CCNYL1: variants seen among roughly 807,000 people sequenced by gnomAD.
CCNYL1 encodes the protein cyclin Y like 1.
In CCNYL1, 16 loss-of-function variants were observed where a neutral mutation model predicts 44.2. That is an observed-to-expected ratio of 0.36 (90% confidence interval 0.25 to 0.55). CCNYL1 has a LOEUF of 0.55. Ranked by LOEUF, CCNYL1 falls within the 20% of genes least tolerant of loss-of-function variation. The pLI, the probability that CCNYL1 is intolerant of heterozygous loss-of-function variation, is 0.85. For missense variants in CCNYL1, 348 were observed against 451.8 expected (o/e 0.77, Z 2.08); for synonymous variants, 159 against 163.2 (o/e 0.97, Z 0.20).
At position 207,742,308 on chromosome 2, in the gene CCNYL1, C is replaced by T; in HGVS notation, c.605C>T (p.Ala202Val). 6.2e-7 allele frequency: 1 copy of T among 1,613,412 alleles called. No individual in the cohort carries two copies. Among genetic ancestry groups the T allele is most frequent in the Non-Finnish European group, 8.5e-7 (1 of 1,179,738 alleles). Residue 202 changes from alanine (A) to valine (V), a missense_variant, in exon 7 of 10, where the codon GCA becomes GTA. Around this residue, in one of 3 missense-constraint regions of CCNYL1, gnomAD observed 45 missense variants for 101.7 expected, o/e 0.44. Transcript: ENST00000295414. Reference sequence around the variant, plus strand: ...TTTGTTCGTACTCTTTTTAGTGCTGCACAGCTAACAGCTGAATGTGCAATA... The same window carrying T: ...TTTGTTCGTACTCTTTTTAGTGCTGTACAGCTAACAGCTGAATGTGCAATA... Reference protein sequence around the residue: ...YRFVRTLFSAAQLTAECAIVT... With the variant: ...YRFVRTLFSAVQLTAECAIVT...
Position 207,753,724 on chromosome 2 carries a change from C to A in CCNYL1, c.*26C>A, listed in dbSNP as rs376566029. On this transcript the variant is annotated 3_prime_UTR_variant, in exon 10 of 10. Transcript: ENST00000295414. Reference sequence around the variant, plus strand: ...AAGGAGAAATGAGGGGTTATAACGTCATGGGACCTTCATCTACAAAGACTG... The same window carrying A: ...AAGGAGAAATGAGGGGTTATAACGTAATGGGACCTTCATCTACAAAGACTG... The A allele has an allele frequency of 1.4e-6, 2 of 1,395,156 alleles. No individual in the cohort carries two copies. The highest frequency in any genetic ancestry group is 1.0e-6 in the Non-Finnish European group (1 of 988,990). 86.4% of individuals were successfully genotyped at this position (1,395,156 alleles called of 1,614,324 possible).
chr2:207,721,141 G>A (rs1290034298), intron 1 of CCNYL1, among the ~76,000 whole-genome samples: 1 of 152,170 alleles, frequency 6.6e-6, no homozygotes, highest in African/African-American at 2.4e-5. Context: ...ACAGTGTGCA[G>A]TATGGTAGAG....
chr2:207,714,312 CTTTTTTT>C (rs60004559), intron 1 of CCNYL1: 138 of 309,878 alleles, frequency 4.5e-4, no homozygotes, highest in Middle Eastern at 1.1e-3. Flanking sequence ...ACTTACATCT[CTTTTTTT>C]TTTTTTTTTT....
intron 8 of CCNYL1, among the ~76,000 whole-genome samples, chr2:207,748,930 C>T (rs1442708756): frequency 1.3e-5 from 2 of 152,210 alleles, no homozygotes; most frequent in South Asian, 2.1e-4. Context: ...ACTTTGATCA[C>T]TGCTGTCATC....
In CCNYL1 at chr2:207,726,860, G is replaced by A. The variant is rs758694843; in HGVS notation, c.314G>A (p.Ser105Asn). 4.5e-6 allele frequency: 7 copies of A among 1,563,082 alleles called. No individual in the cohort carries two copies. Among genetic ancestry groups the A allele is most frequent in the East Asian group, 2.4e-5 (1 of 41,502 alleles). Reference protein sequence around the residue: ...SQTDVREKRKSNHLNHVSPGQ... With the variant: ...SQTDVREKRKNNHLNHVSPGQ... The stretch of plus-strand genomic sequence containing the variant: ...TTCTTAGTGCGAGAAAAGAGGAAGA[G>A]CAACCATTTGAACCATGTAAGTAAA... Residue 105 changes from serine to asparagine, a missense_variant, in exon 3 of 10, where the codon AGC (serine) becomes AAC (asparagine). Around this residue, in one of 3 missense-constraint regions of CCNYL1, gnomAD observed 209 missense variants for 247.7 expected, o/e 0.84. Transcript: ENST00000295414.
intron 6 of CCNYL1, among the ~76,000 whole-genome samples, chr2:207,741,304 A>AGT (rs1310393716): frequency 2.0e-5 from 3 of 152,176 alleles, no homozygotes; most frequent in Non-Finnish European, 1.5e-5. Flanking sequence ...ACATATGATT[A>AGT]GTAAGACTTT....
intron 1 of CCNYL1, among the ~76,000 whole-genome samples, chr2:207,717,976 C>G (rs2091609972): frequency 6.8e-6 from 1 of 148,050 alleles, no homozygotes; most frequent in Admixed American, 6.8e-5. Context: ...TCAATCTTGG[C>G]TCACTGCAAC....
At chr2:207,748,303 G>A (rs1015241569) in intron 8 of CCNYL1, among the ~76,000 whole-genome samples, 3 of 152,146 alleles carry the variant, frequency 2.0e-5, no homozygotes, top group Admixed American at 1.3e-4. Flanking sequence ...AGGCTCCCTG[G>A]GCACTCGGAC....
Position 207,747,122 on chromosome 2 carries a change from G to A in CCNYL1, c.715G>A (p.Ala239Thr), listed in dbSNP as rs1251036555. 6.2e-7 allele frequency: 1 copy of A among 1,614,028 alleles called. No individual in the cohort carries two copies. The highest frequency in any genetic ancestry group is 8.5e-7 in the Non-Finnish European group (1 of 1,180,014). The change falls in exon 8 of 10, where the codon GCC becomes ACC. Residue 239 changes from alanine to threonine, a missense_variant. Around this residue, in one of 3 missense-constraint regions of CCNYL1, gnomAD observed 45 missense variants for 101.7 expected, o/e 0.44. Coordinates refer to ENST00000295414, the MANE Select transcript of CCNYL1 (RefSeq NM_001330218.2). Reference protein sequence around the residue: ...PTNWKRIVLGAILLASKVWDD... With the variant: ...PTNWKRIVLGTILLASKVWDD... ...CAACTGGAAAAGGATTGTTCTGGGA[G>A]CCATTCTTCTTGCCTCCAAGGTTTG...
Position 207,751,202 on chromosome 2 carries a change from TA to T in CCNYL1, c.969+84del, listed in dbSNP as rs1212818873. 7 of 1,250,108 alleles carry T rather than the reference TA, an allele frequency of 5.6e-6. No homozygotes were observed. The African/African-American group carries it at 1.1e-4, about 19-fold the overall frequency. The allele number at this position is 1,250,108 out of a possible 1,614,324, so 77.4% of individuals were successfully genotyped here. The stretch of plus-strand genomic sequence containing the variant: ...TGACTAAATCATATTAAGTAGTGAT[TA>T]GGAAAATGGAAAGCTTTAAAATTAA... On this transcript the variant is annotated intron_variant, in intron 9 of 9. Coordinates refer to ENST00000295414, the MANE Select transcript of CCNYL1 (RefSeq NM_001330218.2).
At chr2:207,712,843 G>T (rs1017566678) in intron 1 of CCNYL1, among the ~76,000 whole-genome samples, 1 of 152,170 alleles carries the variant, frequency 6.6e-6, no homozygotes, top group Non-Finnish European at 1.5e-5. Flanking sequence ...ACGGAATCTC[G>T]TTTTGTCGCC....
In CCNYL1 at chr2:207,754,374, A is replaced by G. The variant is rs1049159974; in HGVS notation, c.*676A>G. 6 of 152,678 alleles carry G rather than the reference A, an allele frequency of 3.9e-5. No homozygotes were observed. Among genetic ancestry groups the G allele is most frequent in the Non-Finnish European group, 5.9e-5 (4 of 68,048 alleles). 9.5% of individuals were successfully genotyped at this position (152,678 alleles called of 1,614,324 possible). A position where few individuals can be genotyped will look rare whatever the true frequency, so the allele number is the denominator to read the frequency against. On this transcript the variant is annotated 3_prime_UTR_variant, in exon 10 of 10. Coordinates refer to ENST00000295414, the MANE Select transcript of CCNYL1 (RefSeq NM_001330218.2). ...GTATCAGTTATTGATATCTACTTCT[A>G]TTGGAGTCCATGTTGCATTTCTTGT...
intron 6 of CCNYL1, 47 bp from the exon 7 acceptor site, chr2:207,742,176 A>G (rs753799870): frequency 1.9e-6 from 3 of 1,542,268 alleles, no homozygotes; most frequent in Middle Eastern, 2.4e-4. Context: ...AAAGCTTAAA[A>G]TTTTTTTCTT....
chr2:207,752,210 C>T (rs1382435859), intron 9 of CCNYL1, among the ~76,000 whole-genome samples: 1 of 152,096 alleles, frequency 6.6e-6, no homozygotes, highest in Non-Finnish European at 1.5e-5. Flanking sequence ...GCCAAGAGAC[C>T]TATACCCTTC....
At chr2:207,735,827 T>G (rs751811297) in intron 4 of CCNYL1, among the ~76,000 whole-genome samples, 11 of 151,816 alleles carry the variant, frequency 7.2e-5, no homozygotes, top group Non-Finnish European at 1.6e-4. Flanking sequence ...TTGTGCCATT[T>G]TACTCCAGCC....
intron 1 of CCNYL1, among the ~76,000 whole-genome samples, chr2:207,712,522 A>G (rs1405423241): frequency 6.6e-6 from 1 of 152,132 alleles, no homozygotes; most frequent in African/African-American, 2.4e-5. Flanking sequence ...TAACCCATCC[A>G]GATGGTACCT....
rs1250495486 is a variant in CCNYL1, at chr2:207,755,130, G to A, written c.*1432G>A. On this transcript the variant is annotated 3_prime_UTR_variant, in exon 10 of 10. Coordinates refer to ENST00000295414, the MANE Select transcript of CCNYL1 (RefSeq NM_001330218.2). ...ATAGTGATTCATGCCTGTAATCTCA[G>A]TACCCTGGGAGGCTGAGGTGGAAGG... 1 of 152,178 alleles carries A rather than the reference G, an allele frequency of 6.6e-6. No homozygotes were observed. Among genetic ancestry groups the A allele is most frequent in the East Asian group, 1.9e-4 (1 of 5,166 alleles). The allele number at this position is 152,178 out of a possible 1,614,324, so 9.4% of individuals were successfully genotyped here. A position where few individuals can be genotyped will look rare whatever the true frequency, so the allele number is the denominator to read the frequency against.
At chr2:207,729,833 G>C (rs926232953) in intron 3 of CCNYL1, among the ~76,000 whole-genome samples, 2 of 151,654 alleles carry the variant, frequency 1.3e-5, no homozygotes, top group Non-Finnish European at 2.9e-5. Flanking sequence ...CTTGTGCCTC[G>C]GTCTCTTGAG....
chr2:207,712,024 T>TAGCGCC lies in CCNYL1; in HGVS notation c.129_134dup (p.Pro45_Ala46dup). 5 of 1,499,074 alleles carry TAGCGCC rather than the reference T, an allele frequency of 3.3e-6. No homozygotes were observed. The highest frequency in any genetic ancestry group is 3.6e-6 in the Non-Finnish European group (4 of 1,123,532). 92.9% of individuals were successfully genotyped at this position (1,499,074 alleles called of 1,614,324 possible). On this transcript the variant is annotated inframe_insertion, in exon 1 of 10. Transcript: ENST00000295414. ...GCGGTGTCCGGGGACGCGGTGGCGG[T>TAGCGCC]AGCGCCCGCTGTGGTGGAGCCTGCC...
Sources: gnomAD v4.1 joint callset for allele counts (sites outside exome capture counted in the v4.1 genomes callset) on GRCh38, gnomAD v4.1.1 for gene constraint, gnomAD v4.1.1 regional missense constraint, MANE v1.5 for transcripts, NCBI Gene and HGNC (gene_info 2026-07-23, HGNC 2026-07-21) for gene names.